Variants in FDPS observed in about 807,000 individuals in gnomAD.
FDPS encodes the protein farnesyl diphosphate synthase.
A neutral mutation model predicts 49.5 loss-of-function variants in FDPS; 29 were observed. That is an observed-to-expected ratio of 0.59 (90% CI 0.44 to 0.80). The LOEUF (loss-of-function observed/expected upper bound fraction) is 0.80. Ranked by LOEUF, FDPS falls within the 30% of genes least tolerant of loss-of-function variation. The pLI is 0.00. For missense variants in FDPS, 414 were observed against 525.6 expected (o/e 0.79, Z 2.08); for synonymous variants, 172 against 206.4 (o/e 0.83, Z 1.43).
intron 8 of FDPS, 98 bp downstream of exon 8, chr1:155,319,026 A>G (rs1361782106): frequency 1.5e-5 from 13 of 879,352 alleles, no homozygotes; most frequent in Non-Finnish European, 2.5e-5. Context: ...CCCTGGTGAA[A>G]AACTGTGTGA....
In FDPS at chr1:155,312,362, G is replaced by T; in HGVS notation, c.447G>T (p.Gln149His). 1 of 1,614,166 alleles carries T rather than the reference G, an allele frequency of 6.2e-7. No individual in the cohort carries two copies. Among genetic ancestry groups the T allele is most frequent in the East Asian group, 2.2e-5 (1 of 44,886 alleles). Residue 149 changes from glutamine to histidine, a missense_variant, in exon 4 of 11, where the codon CAG (glutamine) becomes CAT (histidine). Physicochemically the swap from Gln to His is conservative, Grantham distance 24. Coordinates refer to ENST00000368356, the MANE Select transcript of FDPS (RefSeq NM_002004.4). ...GGAAACAGGATGCTGATAGTCTCCA[G>T]CGGGCCTGGACTGTGGGCTGGTGTG... ...EPRKQDADSL[Q>H]RAWTVGWCVE...
Position 155,319,900 on chromosome 1 carries a change from C to T in FDPS, c.1031C>T (p.Ala344Val). The T allele has an allele frequency of 1.2e-6, 2 of 1,614,128 alleles. No homozygotes were observed. Among genetic ancestry groups the T allele is most frequent in the Non-Finnish European group, 8.5e-7 (1 of 1,180,014 alleles). The change falls in exon 10 of 11, where the codon GCC becomes GTC. Residue 344 changes from alanine (A) to valine (V), a missense_variant. By Grantham distance (64) the Ala-to-Val change is moderately conservative. Coordinates refer to ENST00000368356, the MANE Select transcript of FDPS (RefSeq NM_002004.4). Reference protein sequence around the residue: ...SWLVVQCLQRATPEQYQILKE... With the variant: ...SWLVVQCLQRVTPEQYQILKE... ...CTGGTGGTTCAGTGTCTGCAACGGG[C>T]CACTCCAGAACAGTACCAGATCCTG...
At chr1:155,313,602 G>C (rs897985249) in intron 4 of FDPS, among the ~76,000 whole-genome samples, 1 of 152,144 alleles carries the variant, frequency 6.6e-6, no homozygotes, top group Non-Finnish European at 1.5e-5. Flanking sequence ...GGGGAGATGG[G>C]TCTGGAGAAT....
At chr1:155,310,692 C>T (rs1020203164) in intron 3 of FDPS, among the ~76,000 whole-genome samples, 10 of 152,104 alleles carry the variant, frequency 6.6e-5, no homozygotes, top group South Asian at 4.1e-4. Context: ...GTCCATCAAC[C>T]GGACTTTTGG....
chr1:155,317,877 G>T lies in FDPS; in HGVS notation c.481-64G>T, dbSNP rs1048837660. The T allele has an allele frequency of 1.8e-5, 26 of 1,419,848 alleles. No individual in the cohort carries two copies. In the Admixed American group the frequency reaches 4.6e-4, roughly 25 times the overall value. The allele number at this position is 1,419,848 out of a possible 1,614,324, so 88.0% of individuals were successfully genotyped here. On this transcript the variant is annotated intron_variant, in intron 4 of 10. Coordinates refer to ENST00000368356, the MANE Select transcript of FDPS (RefSeq NM_002004.4). ...AACTATATACAGATATAAAGTAGCA[G>T]CTCTGTTGCTGATAGAAGGAACAGT... is the stretch of plus-strand genomic sequence containing the variant.
Position 155,318,999 on chromosome 1 carries a change from A to T in FDPS, c.846+71A>T. The stretch of plus-strand genomic sequence containing the variant: ...TTGGACAGCAAGGCATAGAGCAGAA[A>T]ACGTGAACACTGCTACCCCTGGTGA... On this transcript the variant is annotated intron_variant, in intron 8 of 10. Coordinates refer to ENST00000368356, the MANE Select transcript of FDPS (RefSeq NM_002004.4). This position sits in a 1 kb window ranked among gnomAD's most constrained non-coding sequence, Gnocchi z 4.2. 8.9e-7 allele frequency: 1 copy of T among 1,126,896 alleles called. No homozygotes were observed. The highest frequency in any genetic ancestry group is 1.4e-6 in the Non-Finnish European group (1 of 739,992). The allele number at this position is 1,126,896 out of a possible 1,614,324, so 69.8% of individuals were successfully genotyped here. A position where few individuals can be genotyped will look rare whatever the true frequency, so the allele number is the denominator to read the frequency against.
At chr1:155,312,147 G>T in intron 3 of FDPS, 108 bp from the exon 4 acceptor site, 1 of 1,279,440 alleles carries the variant, frequency 7.8e-7, no homozygotes. Context: ...GTTGGGGTTG[G>T]GGAGGATAAA....
intron 1 of FDPS, chr1:155,309,355 G>A (rs1648537571): frequency 6.5e-6 from 1 of 154,466 alleles, no homozygotes; most frequent in Non-Finnish European, 1.4e-5. Context: ...CTCAGACCCT[G>A]GGCACCCCTC....
rs890385049 is a variant in FDPS at position 155,312,362 on chromosome 1, G to A, written c.447G>A (p.Gln149=). Residue 149 remains glutamine (Q), a synonymous_variant, in exon 4 of 11, where the codon CAG becomes CAA. Transcript: ENST00000368356. The stretch of plus-strand genomic sequence containing the variant: ...GGAAACAGGATGCTGATAGTCTCCA[G>A]CGGGCCTGGACTGTGGGCTGGTGTG... ...EPRKQDADSL[Q]RAWTVGWCVE... is the part of the protein sequence containing the mutation. 5 of 1,614,048 alleles carry A rather than the reference G, an allele frequency of 3.1e-6. No homozygotes were observed. In the African/African-American group the frequency reaches 6.7e-5, roughly 22 times the overall value.
Position 155,320,047 on chromosome 1 carries a change from C to T in FDPS, c.1059+119C>T, listed in dbSNP as rs144949010. On this transcript the variant is annotated intron_variant, in intron 10 of 10. Coordinates refer to ENST00000368356, the MANE Select transcript of FDPS (RefSeq NM_002004.4). ...TGGCAATGTCAGCAGACATTTTTTG[C>T]CATTGTCATTACAACTCTGTGTGTG... The T allele has an allele frequency of 1.3e-3, 1,588 of 1,227,608 alleles. 15 individuals are homozygous for T. The African/African-American group carries it at 0.022, about 17-fold the overall frequency. 76.0% of individuals were successfully genotyped at this position (1,227,608 alleles called of 1,614,324 possible). A position where few individuals can be genotyped will look rare whatever the true frequency, so the allele number is the denominator to read the frequency against.
In FDPS at chr1:155,318,751, G is replaced by C. The variant is rs1649804464; in HGVS notation, c.771G>C (p.Lys257Asn). ...TGGATCTTGTCAGATTCACTGAAAA[G>C]AGGTGAGGGGAGGTGAGGGACAGCG... Reference protein sequence around the residue: ...GNVDLVRFTEKRYKSIVKYKT... With the variant: ...GNVDLVRFTENRYKSIVKYKT... Residue 257 changes from lysine to asparagine, a missense_variant and splice_region_variant, in exon 7 of 11, where the codon AAG becomes AAC. Lys to Asn is a moderately conservative substitution (Grantham distance 94). Transcript: ENST00000368356. The surrounding 1 kb of genome is among the most constrained non-coding windows in gnomAD (Gnocchi z 4.2). 1.2e-6 allele frequency: 2 copies of C among 1,607,652 alleles called. No homozygotes were observed. Among genetic ancestry groups the C allele is most frequent in the East Asian group, 2.2e-5 (1 of 44,842 alleles).
chr1:155,312,126 C>T (rs990924929), intron 3 of FDPS, 129 bp from the exon 4 acceptor site: 2 of 1,063,924 alleles, frequency 1.9e-6, no homozygotes, highest in Non-Finnish European at 2.8e-6. Flanking sequence ...CCAGAGGCTC[C>T]TTGAAGAGGA....
In FDPS at chr1:155,320,533, T is replaced by C. The variant is rs948134608; in HGVS notation, c.1184T>C (p.Ile395Thr). ...EDSYSHIMAL[I>T]EQYAAPLPPA... ...AGTTACAGCCACATTATGGCTCTCA[T>C]TGAACAGTACGCAGCACCCCTGCCC... The change falls in exon 11 of 11, where the codon ATT becomes ACT. Residue 395 changes from isoleucine (I) to threonine (T), a missense_variant. Transcript: ENST00000368356. The C allele has an allele frequency of 1.9e-6, 3 of 1,614,038 alleles. No individual in the cohort carries two copies. The highest frequency in any genetic ancestry group is 1.7e-6 in the Non-Finnish European group (2 of 1,180,042).
Position 155,317,986 on chromosome 1 carries a change from C to T in FDPS, c.526C>T (p.Leu176Phe). 1.2e-6 allele frequency: 2 copies of T among 1,613,592 alleles called. No individual in the cohort carries two copies. Among genetic ancestry groups the T allele is most frequent in the Admixed American group, 1.7e-5 (1 of 60,022 alleles). ...GGCAGATGACATCATGGATTCATCC[C>T]TTACCCGCCGGGGACAGATCTGCTG... ...LVADDIMDSS[L>F]TRRGQICWYQ... The change falls in exon 5 of 11, where the codon CTT (leucine) becomes TTT (phenylalanine). Residue 176 changes from leucine to phenylalanine, a missense_variant. By Grantham distance (22) the Leu-to-Phe change is conservative (BLOSUM62 0). Transcript: ENST00000368356.
chr1:155,318,768 GGGACAGCGCGAACCATGTCT>G lies in FDPS; in HGVS notation c.773+24_773+43del. The G allele has an allele frequency of 6.2e-7, 1 of 1,606,014 alleles. No homozygotes were observed. Among genetic ancestry groups the G allele is most frequent in the Non-Finnish European group, 8.5e-7 (1 of 1,172,752 alleles). ...ACTGAAAAGAGGTGAGGGGAGGTGAGGGACAGCGCGAACCATGTCTGGACAGCGAGGGAGGGCTCAGGATG... is the reference window on the plus strand; with the variant it reads ...ACTGAAAAGAGGTGAGGGGAGGTGAGGGACAGCGAGGGAGGGCTCAGGATG... On this transcript the variant is annotated intron_variant, in intron 7 of 10. Transcript: ENST00000368356. This position sits in a 1 kb window ranked among gnomAD's most constrained non-coding sequence, Gnocchi z 4.2.
chr1:155,318,592 G>A lies in FDPS; in HGVS notation c.685-73G>A. 8.3e-7 allele frequency: 1 copy of A among 1,204,556 alleles called. No homozygotes were observed. Among genetic ancestry groups the A allele is most frequent in the Non-Finnish European group, 1.2e-6 (1 of 811,924 alleles). 74.6% of individuals were successfully genotyped at this position (1,204,556 alleles called of 1,614,324 possible). ...GCCCAGTTGTCAGCTGGTATGGGAT[G>A]TTGGGCTTGGGATACCAGGGTTTCG... On this transcript the variant is annotated intron_variant, in intron 6 of 10. Coordinates refer to ENST00000368356, the MANE Select transcript of FDPS (RefSeq NM_002004.4). This position sits in a 1 kb window ranked among gnomAD's most constrained non-coding sequence, Gnocchi z 4.2.
In FDPS at chr1:155,320,524, T is replaced by C; in HGVS notation, c.1175T>C (p.Met392Thr). 6.2e-7 allele frequency: 1 copy of C among 1,614,194 alleles called. No homozygotes were observed. The highest frequency in any genetic ancestry group is 8.5e-7 in the Non-Finnish European group (1 of 1,180,050). ...QYEEDSYSHI[M>T]ALIEQYAAPL... ...GAGGAAGACAGTTACAGCCACATTA[T>C]GGCTCTCATTGAACAGTACGCAGCA... Residue 392 changes from methionine (M) to threonine (T), a missense_variant, in exon 11 of 11, where the codon ATG becomes ACG. Transcript: ENST00000368356.
chr1:155,318,931 G>A lies in FDPS; in HGVS notation c.846+3G>A. On this transcript the variant is annotated splice_donor_region_variant and intron_variant, in intron 8 of 10. Coordinates refer to ENST00000368356, the MANE Select transcript of FDPS (RefSeq NM_002004.4). This position sits in a 1 kb window ranked among gnomAD's most constrained non-coding sequence, Gnocchi z 4.2. ...CTATAGCTGCAGCCATGTACATGGT[G>A]AGTGAGCCTCCTCACCCCTCTCTGC... The A allele has an allele frequency of 6.2e-7, 1 of 1,609,766 alleles. No individual in the cohort carries two copies. Among genetic ancestry groups the A allele is most frequent in the Non-Finnish European group, 8.5e-7 (1 of 1,176,506 alleles).
intron 4 of FDPS, among the ~76,000 whole-genome samples, chr1:155,314,188 ATT>A (rs34299252): frequency 9.2e-5 from 13 of 140,956 alleles, no homozygotes; most frequent in Non-Finnish European, 7.7e-5. Context: ...AAAATTTTTA[ATT>A]TTTTTTTTTT....
Sources: gnomAD v4.1 joint callset for allele counts (sites outside exome capture counted in the v4.1 genomes callset) on GRCh38, gnomAD v4.1.1 for gene constraint, Gnocchi (gnomAD v3.1) non-coding constraint, MANE v1.5 for transcripts, NCBI Gene and HGNC (gene_info 2026-07-23, HGNC 2026-07-21) for gene names.